CNGA3: variants seen among roughly 807,000 people sequenced by gnomAD.
CNGA3 encodes the protein cyclic nucleotide-gated channel alpha-3.
Under a neutral mutation model 46.6 loss-of-function variants are expected in CNGA3, and 42 were observed. That is an observed-to-expected ratio of 0.90 (90% confidence interval 0.70 to 1.17). The LOEUF (loss-of-function observed/expected upper bound fraction) is 1.17. CNGA3 is among the 50% of genes most tolerant of loss of function. The pLI is 0.00. For synonymous variants in CNGA3, 394 were observed against 369.4 expected (o/e 1.07, Z -0.76); for missense variants, 893 against 890.7 (o/e 1.00, Z -0.03).
rs768456172 is a variant in CNGA3, at chr2:98,395,885, C to T, written c.715C>T (p.Leu239=). The part of the protein sequence containing the change: ...QGLMVSDTNR[L]WQHYKTTTQF... ...CTTAATGGTCAGTGATACCAACAGGCTGTGGCAGCATTACAAGACGACCAC... is the reference window on the plus strand; with the variant it reads ...CTTAATGGTCAGTGATACCAACAGGTTGTGGCAGCATTACAAGACGACCAC... The change falls in exon 8 of 8, where the codon CTG becomes TTG. Residue 239 remains leucine, a synonymous_variant. Transcript: ENST00000272602. 1 of 1,614,184 alleles carries T rather than the reference C, an allele frequency of 6.2e-7. No homozygotes were observed. Among genetic ancestry groups the T allele is most frequent in the Middle Eastern group, 1.6e-4 (1 of 6,062 alleles).
Position 98,397,319 on chromosome 2 carries a change from C to A in CNGA3, c.*64C>A. ...TCAGGGTGACCGTATGTGGCCGCAG[C>A]TGTGTGGCATGGAACTTGGTCAGGG... On this transcript the variant is annotated 3_prime_UTR_variant, in exon 8 of 8. Transcript: ENST00000272602. 2 of 1,523,872 alleles carry A rather than the reference C, an allele frequency of 1.3e-6. No homozygotes were observed. The highest frequency in any genetic ancestry group is 1.8e-6 in the Non-Finnish European group (2 of 1,106,940). The allele number at this position is 1,523,872 out of a possible 1,614,324, so 94.4% of individuals were successfully genotyped here. A position where few individuals can be genotyped will look rare whatever the true frequency, so the allele number is the denominator to read the frequency against.
intron 5 of CNGA3, among the ~76,000 whole-genome samples, chr2:98,384,071 TAG>T (rs1692598043): frequency 6.6e-6 from 1 of 151,968 alleles, no homozygotes; most frequent in African/African-American, 2.4e-5. Flanking sequence ...GTATTTTTAG[TAG>T]AGAGGGGGGG....
chr2:98,385,503 G>A (rs1180250488), intron 5 of CNGA3, among the ~76,000 whole-genome samples: 2 of 152,086 alleles, frequency 1.3e-5, no homozygotes, highest in Non-Finnish European at 2.9e-5. Flanking sequence ...ATCAGAGATA[G>A]CCCCACTTAA....
intron 3 of CNGA3, chr2:98,378,267 T>A (rs1446249384): frequency 6.6e-7 from 1 of 1,514,560 alleles, no homozygotes; most frequent in South Asian, 1.3e-5. Context: ...TTAGTGAGAC[T>A]CCAAGCTCTG....
intron 4 of CNGA3, 112 bp downstream of exon 4, chr2:98,380,466 C>G: frequency 7.7e-7 from 1 of 1,305,734 alleles, no homozygotes; most frequent in Non-Finnish European, 1.1e-6. Flanking sequence ...GAACGTCATC[C>G]CCATGAGCTG....
At chr2:98,380,684 T>G (rs574544561) in intron 4 of CNGA3, among the ~76,000 whole-genome samples, 1 of 152,296 alleles carries the variant, frequency 6.6e-6, no homozygotes, top group East Asian at 1.9e-4. Flanking sequence ...TGGCCTTACC[T>G]ATCTCTCTTC....
chr2:98,386,915 G>A (rs763124238), intron 5 of CNGA3, among the ~76,000 whole-genome samples: 6 of 152,152 alleles, frequency 3.9e-5, no homozygotes, highest in South Asian at 2.1e-4. Context: ...TCAGAGCCCC[G>A]CCTAGAGACT....
chr2:98,377,206 C>A, intron 2 of CNGA3: 1 of 174,828 alleles, frequency 5.7e-6, no homozygotes, highest in African/African-American at 2.4e-5. Context: ...AAACAGCTGC[C>A]CAGGCAGTGT....
chr2:98,375,370 C>A (rs1289724373), intron 2 of CNGA3, among the ~76,000 whole-genome samples: 2 of 152,200 alleles, frequency 1.3e-5, no homozygotes, highest in African/African-American at 4.8e-5. Context: ...TCCAGATCTT[C>A]CAGGCACACA....
At chr2:98,386,819 G>A (rs915384109) in intron 5 of CNGA3, among the ~76,000 whole-genome samples, 2 of 152,152 alleles carry the variant, frequency 1.3e-5, no homozygotes, top group East Asian at 1.9e-4. Context: ...CCACAGCCTC[G>A]AAAGGTGCAG....
rs200979604 is a variant in CNGA3 at position 98,391,892 on chromosome 2, T to C, written c.595T>C (p.Tyr199His). Residue 199 changes from tyrosine to histidine, a missense_variant, in exon 7 of 8, where the codon TAC becomes CAC. Coordinates refer to ENST00000272602, the MANE Select transcript of CNGA3 (RefSeq NM_001298.3). Reference protein sequence around the residue: ...RACFDELQSEYLMLWLVLDYS... With the variant: ...RACFDELQSEHLMLWLVLDYS... ...CTGTTTCGATGAGCTGCAGTCCGAG[T>C]ACCTGATGCTGTGGCTGGTCCTGGA... 6.2e-6 allele frequency: 10 copies of C among 1,614,170 alleles called. No individual in the cohort carries two copies. The African/African-American group carries it at 1.3e-4, about 22-fold the overall frequency.
chr2:98,380,029 C>T (rs1446398827), intron 3 of CNGA3, 146 bp from the exon 4 acceptor site: 12 of 937,962 alleles, frequency 1.3e-5, no homozygotes, highest in Admixed American at 6.0e-5. Context: ...CCCCAGCACC[C>T]GTACCCTGCT....
intron 5 of CNGA3, among the ~76,000 whole-genome samples, chr2:98,384,819 GC>G (rs1692618283): frequency 6.6e-6 from 1 of 152,116 alleles, no homozygotes; most frequent in Admixed American, 6.5e-5. Flanking sequence ...GCTGCACCCG[GC>G]TCTTCAATCT....
chr2:98,391,558 TG>T (rs1282728741), intron 6 of CNGA3, among the ~76,000 whole-genome samples: 1 of 152,220 alleles, frequency 6.6e-6, no homozygotes, highest in Non-Finnish European at 1.5e-5. Context: ...TACCTGACTC[TG>T]CCAGTGTGGC....
At chr2:98,369,367 A>C (rs1174182213) in intron 1 of CNGA3, among the ~76,000 whole-genome samples, 1 of 152,240 alleles carries the variant, frequency 6.6e-6, no homozygotes, top group East Asian at 1.9e-4. Flanking sequence ...CAGTTTATTC[A>C]TCTTTAAATG....
rs143489966 is a variant in CNGA3, at chr2:98,370,034, C to A, written c.59C>A (p.Thr20Asn). ...HPSRTHLKVK[T>N]SDRDLNRAEN... ...TCCAGGACCCACCTCAAGGTAAAGA[C>A]CTCAGACCGAGATCTCAATCGCGCT... Residue 20 changes from threonine to asparagine, a missense_variant, in exon 2 of 8, where the codon ACC (threonine) becomes AAC (asparagine). Physicochemically the swap from Thr to Asn is moderately conservative, Grantham distance 65. Around this residue, in one of 3 missense-constraint regions of CNGA3, gnomAD observed 333 missense variants for 290.8 expected, o/e 1.15. Coordinates refer to ENST00000272602, the MANE Select transcript of CNGA3 (RefSeq NM_001298.3). 2 of 1,614,032 alleles carry A rather than the reference C, an allele frequency of 1.2e-6. No homozygotes were observed. Among genetic ancestry groups the A allele is most frequent in the Non-Finnish European group, 1.7e-6 (2 of 1,180,002 alleles).
At position 98,383,466 on chromosome 2, in the gene CNGA3, G is replaced by GCCCTCC. The variant is rs765336703; in HGVS notation, c.449+28_449+33dup. ...AGTAAGTACCCACACACCCAGCAGA[G>GCCCTCC]CCCTCCCCAAGCCCGGTGCCCTCCA... On this transcript the variant is annotated intron_variant, in intron 5 of 7. Coordinates refer to ENST00000272602, the MANE Select transcript of CNGA3 (RefSeq NM_001298.3). 4.5e-5 allele frequency: 72 copies of GCCCTCC among 1,613,998 alleles called. No homozygotes were observed. In the African/African-American group the frequency reaches 7.5e-4, roughly 17 times the overall value.
At chr2:98,350,018 C>T (rs763839901) in intron 1 of CNGA3, among the ~76,000 whole-genome samples, 5 of 152,214 alleles carry the variant, frequency 3.3e-5, no homozygotes, top group East Asian at 1.9e-4. Flanking sequence ...TTCCTGAACT[C>T]GGCCTGCACC....
intron 1 of CNGA3, among the ~76,000 whole-genome samples, chr2:98,369,178 C>G (rs1574369241): frequency 6.6e-6 from 1 of 152,114 alleles, no homozygotes; most frequent in South Asian, 2.1e-4. Context: ...CGGCCTACGC[C>G]CAGGAATGAA....
Sources: allele counts gnomAD v4.1 joint callset (sites outside exome capture counted in the v4.1 genomes callset), GRCh38; gene constraint gnomAD v4.1.1; regional missense constraint gnomAD v4.1.1; transcripts MANE v1.5; gene names NCBI Gene and HGNC (gene_info 2026-07-23, HGNC 2026-07-21).